The following CUX1 variants were observed in gnomAD, a reference collection of about 807,000 sequenced individuals.
The protein encoded by CUX1 is protein CASP.
A neutral mutation model predicts 158.8 loss-of-function variants in CUX1; 31 were observed. The observed-to-expected ratio is 0.20, with a 90% CI of 0.15 to 0.26. The LOEUF (loss-of-function observed/expected upper bound fraction) is 0.26, where lower values mean the gene tolerates loss of function less well. CUX1 is among the 10% of genes least tolerant of loss of function. CUX1 has a pLI of 1.00. For missense variants in CUX1, 1,589 were observed against 2,014.6 expected, an observed-to-expected ratio of 0.79 and a Z score of 4.04; for synonymous variants, 879 against 862.1, an observed-to-expected ratio of 1.02 and a Z score of -0.34.
chr7:102,029,683 T>TCCTG (rs1221068025), intron 3 of CUX1, among the ~76,000 whole-genome samples: 2 of 152,304 alleles, frequency 1.3e-5, no homozygotes, highest in African/African-American at 4.8e-5. Flanking sequence ...ATGATCTTCT[T>TCCTG]CCTGCCTCAT....
chr7:101,974,215 A>G (rs1372346858), intron 2 of CUX1, among the ~76,000 whole-genome samples: 1 of 152,056 alleles, frequency 6.6e-6, no homozygotes, highest in East Asian at 1.9e-4. Flanking sequence ...TCATTTTAAA[A>G]ATTAAGAATC....
At chr7:101,832,716 G>C (rs997237369) in intron 1 of CUX1, among the ~76,000 whole-genome samples, 6 of 152,176 alleles carry the variant, frequency 3.9e-5, no homozygotes, top group African/African-American at 1.4e-4. Context: ...CAATGACAAT[G>C]ACTAATTATA....
intron 4 of CUX1, among the ~76,000 whole-genome samples, chr7:102,079,626 C>T (rs1172892631): frequency 2.0e-5 from 3 of 152,104 alleles, no homozygotes; most frequent in Non-Finnish European, 2.9e-5. Flanking sequence ...CAAACAAGAC[C>T]TGGGACCCAG....
chr7:102,079,027 T>C (rs1827078953), intron 4 of CUX1, among the ~76,000 whole-genome samples: 1 of 152,266 alleles, frequency 6.6e-6, no homozygotes. Flanking sequence ...TGGTGCCTGC[T>C]ACTTTCAAGT....
intron 2 of CUX1, among the ~76,000 whole-genome samples, chr7:101,933,727 G>T (rs1321117921): frequency 6.6e-6 from 1 of 152,120 alleles, no homozygotes; most frequent in Non-Finnish European, 1.5e-5. Flanking sequence ...TTCATTTACT[G>T]CAGTCTTTGG....
chr7:102,039,987 T>C (rs1490105124), intron 3 of CUX1, among the ~76,000 whole-genome samples: 1 of 152,154 alleles, frequency 6.6e-6, no homozygotes, highest in Non-Finnish European at 1.5e-5. Context: ...CGTTCAGAGC[T>C]GCATGCAGGA....
intron 3 of CUX1, among the ~76,000 whole-genome samples, chr7:102,053,100 G>A (rs7804429): frequency 0.15 from 22,749 of 152,088 alleles, 3,954 homozygotes; most frequent in African/African-American, 0.43. Context: ...GTGAGCCACC[G>A]CAGCCGGCCC....
Position 102,275,323 on chromosome 7 carries a change from G to A in CUX1, c.1527G>A (p.Arg509=), listed in dbSNP as rs1354312519. Reference sequence around the variant, plus strand: ...TGCTTTCCATCATCTCCAGCCAGAGGGAGCGCTTCCGTGCCCGGAACCAGG... The same window carrying A: ...TGCTTTCCATCATCTCCAGCCAGAGAGAGCGCTTCCGTGCCCGGAACCAGG... The change falls in exon 17 of 23, where the codon AGG becomes AGA. Residue 509 remains arginine (R), a synonymous_variant. Transcript: ENST00000292538. 2.5e-6 allele frequency: 4 copies of A among 1,612,894 alleles called. No individual in the cohort carries two copies. In the Admixed American group the frequency reaches 6.7e-5, roughly 27 times the overall value.
At chr7:102,129,969 T>C (rs1554496643) in intron 8 of CUX1, among the ~76,000 whole-genome samples, 1 of 152,164 alleles carries the variant, frequency 6.6e-6, no homozygotes, top group Non-Finnish European at 1.5e-5. Context: ...AAAAAACTTT[T>C]TGGAACCCAC....
At chr7:102,180,951 ATTTTATT>A (rs1554513845) in intron 11 of CUX1, among the ~76,000 whole-genome samples, 37 of 132,046 alleles carry the variant, frequency 2.8e-4, no homozygotes, top group African/African-American at 1.2e-3. Flanking sequence ...ATTTTATTTT[ATTTTATT>A]TGAGACGGAA....
intron 6 of CUX1, among the ~76,000 whole-genome samples, chr7:102,111,426 C>A (rs1830868011): frequency 6.6e-6 from 1 of 151,780 alleles, no homozygotes; most frequent in African/African-American, 2.4e-5. Context: ...ATTTCAAGAA[C>A]AAATTACATT....
rs148331887 is a variant in CUX1 at position 102,089,553 on chromosome 7, T to C, written c.269-7811T>C. Reference sequence around the variant, plus strand: ...GGTGGGACACTTCCAGTGTCTTTACTCTTCAACAAGTCCTTGCTCTTCAAC... The same window carrying C: ...GGTGGGACACTTCCAGTGTCTTTACCCTTCAACAAGTCCTTGCTCTTCAAC... On this transcript the variant is annotated intron_variant, in intron 4 of 23. Coordinates refer to ENST00000292535, the MANE Select transcript of CUX1 (RefSeq NM_181552.4). Among the ~76,000 whole-genome samples the C allele has an allele frequency of 2.0e-3, 307 of 152,370 alleles. 6 individuals carry two copies. The highest frequency in any genetic ancestry group is 0.019 in the Admixed American group (284 of 15,304).
chr7:101,816,471 G>T (rs1791798627), upstream of CUX1, among the ~76,000 whole-genome samples: 1 of 140,168 alleles, frequency 7.1e-6, no homozygotes, highest in Non-Finnish European at 1.6e-5. Flanking sequence ...GGGCGGCCCC[G>T]GCGGCCCGCG....
intron 20 of CUX1, among the ~76,000 whole-genome samples, chr7:102,207,652 A>C (rs544169702): frequency 5.3e-4 from 81 of 152,142 alleles, no homozygotes; most frequent in African/African-American, 1.9e-3. Flanking sequence ...GAGTTTCAAC[A>C]TGTTGGCCAG....
At chr7:101,885,537 C>T (rs921582695) in intron 1 of CUX1, among the ~76,000 whole-genome samples, 9 of 152,028 alleles carry the variant, frequency 5.9e-5, no homozygotes, top group Non-Finnish European at 8.8e-5. Flanking sequence ...CCAGCCTGGG[C>T]GACAGAGCGA....
In CUX1 at chr7:101,893,496, C is replaced by T. The variant is rs1431354175; in HGVS notation, c.31-22619C>T. Reference sequence around the variant, plus strand: ...TCGGGCTGATTTGCCTGGTAAGAAGCGCGTTTGGGGCACGGAGGGTCACCT... The same window carrying T: ...TCGGGCTGATTTGCCTGGTAAGAAGTGCGTTTGGGGCACGGAGGGTCACCT... On this transcript the variant is annotated intron_variant, in intron 1 of 23. Transcript: ENST00000292535. Among the ~76,000 whole-genome samples the T allele has an allele frequency of 2.0e-5, 3 of 152,074 alleles. No homozygotes were observed. The East Asian group carries it at 5.8e-4, about 29-fold the overall frequency.
intron 2 of CUX1, among the ~76,000 whole-genome samples, chr7:101,945,279 G>A (rs1008891692): frequency 1.3e-5 from 2 of 152,052 alleles, no homozygotes; most frequent in Admixed American, 6.6e-5. Flanking sequence ...ACTTGCTTTC[G>A]ACACCTCCAC....
intron 1 of CUX1, among the ~76,000 whole-genome samples, chr7:101,821,641 A>ATTT (rs1554377628): frequency 1.7e-5 from 1 of 60,522 alleles, no homozygotes; most frequent in Non-Finnish European, 3.6e-5. Flanking sequence ...CCCGGCCCCT[A>ATTT]TTTTCTTTTC....
intron 2 of CUX1, among the ~76,000 whole-genome samples, chr7:102,018,640 A>G (rs1818963158): frequency 6.6e-6 from 1 of 152,220 alleles, no homozygotes; most frequent in Non-Finnish European, 1.5e-5. Flanking sequence ...TTCCCTTGAC[A>G]ATGAGCAGTT....
Sources: gnomAD v4.1 joint callset for allele counts (sites outside exome capture counted in the v4.1 genomes callset) on GRCh38, gnomAD v4.1.1 for gene constraint, MANE v1.5 for transcripts, NCBI Gene and HGNC (gene_info 2026-07-23, HGNC 2026-07-21) for gene names.